The following RIPOR2 variants were observed in gnomAD, a reference collection of about 807,000 sequenced individuals.
RIPOR2 encodes rho family-interacting cell polarization regulator 2.
Under a neutral mutation model 114.5 loss-of-function variants are expected in RIPOR2, and 39 were observed. The ratio of observed to expected loss-of-function variants is 0.34; its 90% confidence interval spans 0.26 to 0.44. The LOEUF (loss-of-function observed/expected upper bound fraction) is 0.44, where lower values mean the gene tolerates loss of function less well. RIPOR2 is among the 20% of genes least tolerant of loss of function. The pLI is 1.00. For missense variants in RIPOR2, 1,007 were observed against 1,255.1 expected, an observed-to-expected ratio of 0.80 and a Z score of 2.99; for synonymous variants, 445 against 484.4, an observed-to-expected ratio of 0.92 and a Z score of 1.07.
At chr6:25,000,475 A>G (rs1775254010) in intron 1 of RIPOR2, among the ~76,000 whole-genome samples, 1 of 152,224 alleles carries the variant, frequency 6.6e-6, no homozygotes, top group African/African-American at 2.4e-5. Flanking sequence ...TTATTAAATG[A>G]ATAAGTGAAC....
At chr6:24,848,869 A>G (rs1417136277) in intron 11 of RIPOR2, among the ~76,000 whole-genome samples, 1 of 152,198 alleles carries the variant, frequency 6.6e-6, no homozygotes, top group East Asian at 1.9e-4. Flanking sequence ...TTGGCAATAT[A>G]CCGGGGGCAT....
chr6:24,834,639 A>G (rs1237129767), intron 15 of RIPOR2, among the ~76,000 whole-genome samples: 1 of 152,080 alleles, frequency 6.6e-6, no homozygotes. Flanking sequence ...TCTGAGAGAC[A>G]CAGAAAGGAG....
intron 1 of RIPOR2, chr6:24,877,087 C>T (rs940781221): frequency 7.1e-6 from 7 of 985,220 alleles, no homozygotes; most frequent in Non-Finnish European, 8.4e-6. Context: ...TCGACAATTG[C>T]CCTTTAAAGA....
At chr6:24,857,433 T>C (rs924377703) in intron 8 of RIPOR2, among the ~76,000 whole-genome samples, 1 of 152,128 alleles carries the variant, frequency 6.6e-6, no homozygotes, top group African/African-American at 2.4e-5. Flanking sequence ...GGCGCTCACA[T>C]ATTACTGATC....
At chr6:24,840,556 C>T (rs1176250067) in intron 13 of RIPOR2, 5 of 1,454,354 alleles carry the variant, frequency 3.4e-6, no homozygotes, top group Non-Finnish European at 4.5e-6. Flanking sequence ...GTTAGAAGCA[C>T]TAAATGTCCT....
At chr6:24,893,279 C>T (rs949316881) in intron 1 of RIPOR2, among the ~76,000 whole-genome samples, 3 of 152,146 alleles carry the variant, frequency 2.0e-5, no homozygotes, top group African/African-American at 4.8e-5. Context: ...GTCTACCAGC[C>T]CACTGCTGAT....
rs1764802562 is a variant in RIPOR2 at position 24,868,075 on chromosome 6, T to G, written c.501+1019A>C. Among the ~76,000 whole-genome samples the G allele has an allele frequency of 1.3e-5, 2 of 152,316 alleles. 1 individual carries two copies. Among genetic ancestry groups the G allele is most frequent in the Middle Eastern group, 6.8e-3 (2 of 294 alleles). ...GATGTCATTGTTTTATTTATTGAGT[T>G]TAGCAGAAATAGGAGCAATTTCAGA... is the stretch of plus-strand genomic sequence containing the variant. On this transcript the variant is annotated intron_variant, in intron 6 of 21. Transcript: ENST00000643898.
intron 1 of RIPOR2, among the ~76,000 whole-genome samples, chr6:25,005,736 T>TATATATAC (rs1775530430): frequency 4.0e-5 from 4 of 100,252 alleles, no homozygotes; most frequent in African/African-American, 1.4e-4. Context: ...TATATATATA[T>TATATATAC]ATATACATTT....
intron 1 of RIPOR2, among the ~76,000 whole-genome samples, chr6:24,935,556 C>A (rs537408635): frequency 6.6e-6 from 1 of 152,186 alleles, no homozygotes; most frequent in South Asian, 2.1e-4. Context: ...AGAGACAAGG[C>A]AAAAAATTTA....
chr6:24,849,404 G>A (rs1413170914), intron 11 of RIPOR2, among the ~76,000 whole-genome samples: 4 of 152,224 alleles, frequency 2.6e-5, no homozygotes, highest in African/African-American at 4.8e-5. Context: ...ATAAGCATCC[G>A]TGAGAATCAG....
chr6:25,024,226 G>T (rs1271898234), intron 1 of RIPOR2: 13 of 1,518,604 alleles, frequency 8.6e-6, no homozygotes, highest in Non-Finnish European at 1.2e-5. Context: ...AGGAGGTAGC[G>T]GTCCTCATAC....
chr6:24,907,200 C>T (rs947954715), intron 1 of RIPOR2, among the ~76,000 whole-genome samples: 5 of 152,178 alleles, frequency 3.3e-5, no homozygotes, highest in Non-Finnish European at 7.3e-5. Context: ...TCTAATGGAA[C>T]ACAACATAGA....
rs371259787 is a variant in RIPOR2, at chr6:24,842,985, A to G, written c.1734T>C (p.Phe578=). 2.5e-6 allele frequency: 4 copies of G among 1,570,552 alleles called. No individual in the cohort carries two copies. The East Asian group carries it at 6.8e-5, about 27-fold the overall frequency. The change falls in exon 13 of 22, where the codon TTT becomes TTC. Residue 578 remains phenylalanine, a synonymous_variant. Coordinates refer to ENST00000643898, the MANE Select transcript of RIPOR2 (RefSeq NM_001286445.3). ...AAGCATCCTCTAAGCTTCCATCTAG[A>G]AAGGATCTGCAGCCTTCAGATTCTC... ...VGGESEGCRS[F]LDGSLEDAFN... is the part of the protein sequence containing the mutation.
intron 8 of RIPOR2, among the ~76,000 whole-genome samples, chr6:24,859,041 A>G (rs968333756): frequency 2.6e-5 from 4 of 152,116 alleles, no homozygotes; most frequent in African/African-American, 9.7e-5. Flanking sequence ...CCCTCATAAC[A>G]TGGAGTTAGA....
rs1039367400 is a variant in RIPOR2, at chr6:24,843,603, T to C, written c.1165-49A>G. On this transcript the variant is annotated intron_variant, in intron 12 of 21. Coordinates refer to ENST00000643898, the MANE Select transcript of RIPOR2 (RefSeq NM_001286445.3). ...ATTATTTTCAATACAAATGATGCAT[T>C]TGGCTTGGCATGGTTTATTTCCAGA... The C allele has an allele frequency of 3.8e-6, 5 of 1,319,640 alleles. No individual in the cohort carries two copies. In the Admixed American group the frequency reaches 1.2e-4, roughly 31 times the overall value. 81.7% of individuals were successfully genotyped at this position (1,319,640 alleles called of 1,614,324 possible).
intron 1 of RIPOR2, chr6:25,023,908 A>G: frequency 1.4e-6 from 1 of 722,584 alleles, no homozygotes. Context: ...GGGGTTCTCC[A>G]GGATTCCAGC....
chr6:24,968,829 T>A (rs1167061791), intron 1 of RIPOR2, among the ~76,000 whole-genome samples: 1 of 152,148 alleles, frequency 6.6e-6, no homozygotes, highest in Non-Finnish European at 1.5e-5. Flanking sequence ...AGTACAGTCT[T>A]CAGCACCAAA....
rs140313075 is a variant in RIPOR2, at chr6:24,901,155, T to C, written c.62-25338A>G. Among the ~76,000 whole-genome samples, 354 of 152,256 alleles carry C rather than the reference T, an allele frequency of 2.3e-3. 2 individuals carry two copies. The highest frequency in any genetic ancestry group is 0.022 in the South Asian group (104 of 4,824). On this transcript the variant is annotated intron_variant, in intron 1 of 21. Transcript: ENST00000643898. ...TATGTGCCAGGCTTGGCCAGGCTTA[T>C]ACTCCCCCAGCTGGATTATAAAGGA...
At chr6:24,901,848 G>A (rs1456567505) in intron 1 of RIPOR2, among the ~76,000 whole-genome samples, 2 of 152,166 alleles carry the variant, frequency 1.3e-5, no homozygotes, top group African/African-American at 2.4e-5. Flanking sequence ...TAATCCATTC[G>A]TTTGGTTTCC....
Sources: allele counts gnomAD v4.1 joint callset (sites outside exome capture counted in the v4.1 genomes callset), GRCh38; gene constraint gnomAD v4.1.1; transcripts MANE v1.5; gene names NCBI Gene and HGNC (gene_info 2026-07-23, HGNC 2026-07-21).